KLHDC4: variants seen among roughly 807,000 people sequenced by gnomAD.
The protein encoded by KLHDC4 is kelch domain-containing protein 4.
KLHDC4 carries 90 observed loss-of-function variants against 62.4 expected under a neutral mutation model. The ratio of observed to expected loss-of-function variants is 1.44; its 90% CI spans 1.22 to 1.72. The LOEUF (loss-of-function observed/expected upper bound fraction) is 1.72, where lower values mean the gene tolerates loss of function less well. Among genes scored for constraint, KLHDC4 ranks in the 40% most tolerant of loss-of-function variants. KLHDC4 has a pLI of 0.00. For missense variants in KLHDC4, 1,025 were observed against 699.7 expected, an observed-to-expected ratio of 1.47 and a Z score of -5.25; for synonymous variants, 386 against 284.4, an observed-to-expected ratio of 1.36 and a Z score of -3.59.
intron 1 of KLHDC4, among the ~76,000 whole-genome samples, chr16:87,762,355 C>T (rs2046012447): frequency 6.6e-6 from 1 of 152,188 alleles, no homozygotes; most frequent in Admixed American, 6.5e-5. Context: ...CAGCACCTCT[C>T]ATAACCCAGA....
intron 5 of KLHDC4, among the ~76,000 whole-genome samples, chr16:87,745,640 C>A (rs12447962): frequency 0.078 from 11,817 of 152,256 alleles, 645 homozygotes; most frequent in Non-Finnish European, 0.12. Context: ...CAACTGTCAC[C>A]GCAAGAGAAG....
At chr16:87,702,990 A>G (rs574863713), downstream of KLHDC4, 4 of 152,274 alleles carry the variant, frequency 2.6e-5, no homozygotes, top group Admixed American at 1.3e-4. Flanking sequence ...TACTGTTACG[A>G]AAACAACACT....
rs145532252 is a variant in KLHDC4, at chr16:87,714,532, G to C, written c.801C>G (p.Asp267Glu). The C allele has an allele frequency of 4.5e-5, 72 of 1,614,064 alleles. 1 individual carries two copies. Among genetic ancestry groups the C allele is most frequent in the Non-Finnish European group, 5.8e-5 (68 of 1,180,042 alleles). ...CGTCCTCTGGCTTCAGCAGGAACAT[G>C]TCTGAGTGCCGTGTGCCCTTGTCCA... Reference protein sequence around the residue: ...KDVDKGTRHSDMFLLKPEDGR... With the variant: ...KDVDKGTRHSEMFLLKPEDGR... Residue 267 changes from aspartate to glutamate, a missense_variant, in exon 8 of 12, where the codon GAC becomes GAG. Asp to Glu is a conservative substitution (Grantham distance 45, BLOSUM62 2). Coordinates refer to ENST00000270583, the MANE Select transcript of KLHDC4 (RefSeq NM_017566.4).
At chr16:87,758,737 C>T (rs2045406976) in intron 2 of KLHDC4, among the ~76,000 whole-genome samples, 1 of 152,174 alleles carries the variant, frequency 6.6e-6, no homozygotes, top group African/African-American at 2.4e-5. Context: ...ACGCTGCATT[C>T]GAAGCTGTCC....
intron 10 of KLHDC4, among the ~76,000 whole-genome samples, chr16:87,708,884 C>T (rs945466024): frequency 6.6e-6 from 1 of 152,238 alleles, no homozygotes; most frequent in Non-Finnish European, 1.5e-5. Flanking sequence ...GTAAAGGGGA[C>T]GTGTGACTAC....
At chr16:87,734,112 C>G (rs1053908106) in intron 5 of KLHDC4, among the ~76,000 whole-genome samples, 9 of 152,168 alleles carry the variant, frequency 5.9e-5, no homozygotes, top group Admixed American at 1.3e-4. Context: ...TTTGAGAGGC[C>G]AAGGTGGGCG....
intron 1 of KLHDC4, among the ~76,000 whole-genome samples, chr16:87,763,975 G>A (rs564082070): frequency 1.4e-4 from 21 of 152,324 alleles, no homozygotes; most frequent in Non-Finnish European, 2.2e-4. Context: ...GCTGGAGTGA[G>A]CCCAGGGAGA....
intron 5 of KLHDC4, among the ~76,000 whole-genome samples, chr16:87,747,224 G>A (rs2043172052): frequency 6.6e-6 from 1 of 152,252 alleles, no homozygotes; most frequent in African/African-American, 2.4e-5. Flanking sequence ...GACTTGCTGG[G>A]TTGGGTGCTG....
chr16:87,749,568 A>AAG (rs2043588919), intron 4 of KLHDC4, among the ~76,000 whole-genome samples: 1 of 151,720 alleles, frequency 6.6e-6, no homozygotes, highest in Non-Finnish European at 1.5e-5. Context: ...AAAAAAAAAA[A>AAG]AAAGAAAGAA....
At chr16:87,745,733 C>T (rs1462973098) in intron 5 of KLHDC4, among the ~76,000 whole-genome samples, 1 of 152,090 alleles carries the variant, frequency 6.6e-6, no homozygotes, top group East Asian at 1.9e-4. Context: ...ACAGTCAAGG[C>T]GCCTGGTGTT....
At chr16:87,748,647 G>A (rs764956520) in intron 5 of KLHDC4, 26 bp downstream of exon 5, 4 of 1,613,412 alleles carry the variant, frequency 2.5e-6, no homozygotes, top group South Asian at 2.2e-5. Flanking sequence ...CATGCCCGGA[G>A]CTCAGCTTCT....
At chr16:87,711,518 G>A (rs2035829904) in intron 8 of KLHDC4, 75 bp from the exon 9 acceptor site, 2 of 1,282,922 alleles carry the variant, frequency 1.6e-6, no homozygotes, top group Non-Finnish European at 1.1e-6. Context: ...ACACGCTCAG[G>A]ACCCCAGGTG....
At chr16:87,703,949 C>T (rs961672904), downstream of KLHDC4, among the ~76,000 whole-genome samples, 2 of 152,202 alleles carry the variant, frequency 1.3e-5, no homozygotes, top group Admixed American at 1.3e-4. Flanking sequence ...CCAGCGCCCC[C>T]GGCCTCCACA....
intron 5 of KLHDC4, among the ~76,000 whole-genome samples, chr16:87,741,891 G>A (rs1309181941): frequency 6.6e-6 from 1 of 152,154 alleles, no homozygotes; most frequent in East Asian, 1.9e-4. Context: ...AAAAATGAAT[G>A]CGCAGTGCAG....
At chr16:87,749,748 T>G (rs2043624159) in intron 4 of KLHDC4, among the ~76,000 whole-genome samples, 1 of 152,032 alleles carries the variant, frequency 6.6e-6, no homozygotes, top group African/African-American at 2.4e-5. Context: ...CATGCCCAGC[T>G]GTTTAATTTT....
At chr16:87,729,151 T>C (rs1267010414) in intron 6 of KLHDC4, among the ~76,000 whole-genome samples, 2 of 152,190 alleles carry the variant, frequency 1.3e-5, no homozygotes, top group Non-Finnish European at 2.9e-5. Flanking sequence ...TGGATCCCTT[T>C]TCCCCCCGAA....
At chr16:87,714,342 C>G in intron 8 of KLHDC4, 156 bp downstream of exon 8, 1 of 198,894 alleles carries the variant, frequency 5.0e-6, no homozygotes, top group Middle Eastern at 2.5e-3. Flanking sequence ...CCTGTCCCAC[C>G]CGGCCCACCC....
intron 7 of KLHDC4, among the ~76,000 whole-genome samples, chr16:87,715,884 C>T (rs1376447811): frequency 1.3e-5 from 2 of 152,220 alleles, no homozygotes; most frequent in Non-Finnish European, 2.9e-5. Flanking sequence ...TTCAGGCATG[C>T]TCTGTGCCTC....
chr16:87,709,306 T>C lies in KLHDC4; in HGVS notation c.1406A>G (p.His469Arg). The C allele has an allele frequency of 6.2e-7, 1 of 1,613,188 alleles. No individual in the cohort carries two copies. The highest frequency in any genetic ancestry group is 1.1e-5 in the South Asian group (1 of 91,084). Residue 469 changes from histidine (H) to arginine (R), a missense_variant, in exon 10 of 12, where the codon CAC becomes CGC. Transcript: ENST00000270583. ...TLSDLHCLDL[H>R]RMEAWKALVE... is the part of the protein sequence containing the mutation. ...CAAGGCCTTCCACGCCTCCATCCTG[T>C]GCAGGTCCAGGCAGTGCAGGTCGCT...
Sources: gnomAD v4.1 joint callset for allele counts (sites outside exome capture counted in the v4.1 genomes callset) on GRCh38, gnomAD v4.1.1 for gene constraint, MANE v1.5 for transcripts, NCBI Gene and HGNC (gene_info 2026-07-23, HGNC 2026-07-21) for gene names.